BRAF: variants seen among roughly 807,000 people sequenced by gnomAD.
BRAF encodes the protein serine/threonine-protein kinase B-raf.
A neutral mutation model predicts 104.6 loss-of-function variants in BRAF; 16 were observed. The ratio of observed to expected loss-of-function variants is 0.15; its 90% CI spans 0.10 to 0.23. The LOEUF is 0.23. BRAF is among the 10% of genes least tolerant of loss of function. The pLI, the probability that BRAF is intolerant of heterozygous loss-of-function variation, is 1.00. For missense variants in BRAF, 541 were observed against 937.3 expected, an observed-to-expected ratio of 0.58 and a Z score of 5.52; for synonymous variants, 310 against 341.6, an observed-to-expected ratio of 0.91 and a Z score of 1.02.
At chr7:140,818,557 C>T (rs2245716) in intron 3 of BRAF, among the ~76,000 whole-genome samples, 14,820 of 152,132 alleles carry the variant, frequency 0.097, 786 homozygotes, top group South Asian at 0.19. Context: ...AGGTGATCCG[C>T]CCGCCTTGGC....
chr7:140,745,390 G>T (rs530575034), intron 17 of BRAF, among the ~76,000 whole-genome samples: 47 of 152,302 alleles, frequency 3.1e-4, no homozygotes, highest in Admixed American at 2.5e-3. Context: ...ACAGAATTTA[G>T]TTAGTGCAGA....
chr7:140,735,536 T>C (rs940502710), intron 18 of BRAF, among the ~76,000 whole-genome samples: 1 of 152,216 alleles, frequency 6.6e-6, no homozygotes, highest in Non-Finnish European at 1.5e-5. Context: ...ATTATTACTT[T>C]TGTTATTGTC....
At chr7:140,785,137 C>T (rs565700930) in intron 10 of BRAF, among the ~76,000 whole-genome samples, 1 of 152,066 alleles carries the variant, frequency 6.6e-6, no homozygotes, top group Non-Finnish European at 1.5e-5. Flanking sequence ...TAACAGCTCC[C>T]TACCTTTGAC....
intron 2 of BRAF, among the ~76,000 whole-genome samples, chr7:140,841,612 AC>A (rs2129067590): frequency 6.6e-6 from 1 of 152,348 alleles, no homozygotes; most frequent in East Asian, 1.9e-4. Flanking sequence ...TGGAAACATT[AC>A]ATTAAGTAAA....
At chr7:140,817,272 A>G (rs1804979386) in intron 3 of BRAF, among the ~76,000 whole-genome samples, 1 of 152,194 alleles carries the variant, frequency 6.6e-6, no homozygotes, top group Non-Finnish European at 1.5e-5. Context: ...TACAATGAAA[A>G]CTATAAAACA....
In BRAF at chr7:140,723,288, T is replaced by C; in HGVS notation, c.*3206A>G. The C allele has an allele frequency of 9.5e-7, 1 of 1,056,508 alleles. No homozygotes were observed. Among genetic ancestry groups the C allele is most frequent in the Non-Finnish European group, 1.1e-6 (1 of 873,772 alleles). The allele number at this position is 1,056,508 out of a possible 1,614,324, so 65.4% of individuals were successfully genotyped here. A position where few individuals can be genotyped will look rare whatever the true frequency, so the allele number is the denominator to read the frequency against. ...CCGCACCAAACCAGAAGCTAGGAAATATTTACAAAGTTTCAGGTTGACAGT... is the reference window on the plus strand; with the variant it reads ...CCGCACCAAACCAGAAGCTAGGAAACATTTACAAAGTTTCAGGTTGACAGT... On this transcript the variant is annotated 3_prime_UTR_variant, in exon 20 of 20. Coordinates refer to ENST00000644969, the MANE Select transcript of BRAF (RefSeq NM_001374258.1).
intron 14 of BRAF, among the ~76,000 whole-genome samples, chr7:140,763,594 TA>T (rs1195825909): frequency 6.6e-6 from 1 of 151,878 alleles, no homozygotes; most frequent in African/African-American, 2.4e-5. Context: ...ATAGATGCAA[TA>T]AAAAAATGAT....
At chr7:140,816,761 A>G (rs1804922951) in intron 3 of BRAF, among the ~76,000 whole-genome samples, 1 of 152,204 alleles carries the variant, frequency 6.6e-6, no homozygotes. Context: ...CTTCTCACAG[A>G]ACTAAAAACA....
chr7:140,723,725 A>G lies in BRAF; in HGVS notation c.*2769T>C, dbSNP rs967704823. The G allele has an allele frequency of 9.5e-7, 1 of 1,049,808 alleles. No homozygotes were observed. The highest frequency in any genetic ancestry group is 1.7e-5 in the African/African-American group (1 of 60,228). 65.0% of individuals were successfully genotyped at this position (1,049,808 alleles called of 1,614,324 possible). On this transcript the variant is annotated 3_prime_UTR_variant, in exon 20 of 20. Coordinates refer to ENST00000644969, the MANE Select transcript of BRAF (RefSeq NM_001374258.1). ...CCTCTCCCTACCAAAAATAAAACAC[A>G]CTACAGAAGGCACTGCAGCCACTTT...
intron 1 of BRAF, among the ~76,000 whole-genome samples, chr7:140,918,681 T>C (rs1323559897): frequency 6.6e-6 from 1 of 152,192 alleles, no homozygotes; most frequent in African/African-American, 2.4e-5. Flanking sequence ...AAAAAAAGAA[T>C]AGAATGTTAC....
chr7:140,915,049 C>CA (rs567503566), intron 1 of BRAF, among the ~76,000 whole-genome samples: 3,995 of 61,550 alleles, frequency 0.065, 215 homozygotes, highest in Admixed American at 0.13. Context: ...ACTCCGTCTC[C>CA]AAAAAAAAAA....
At chr7:140,793,195 A>G (rs983559250) in intron 8 of BRAF, among the ~76,000 whole-genome samples, 1 of 152,234 alleles carries the variant, frequency 6.6e-6, no homozygotes, top group Non-Finnish European at 1.5e-5. Flanking sequence ...ACAATCAGAG[A>G]AAAAGGGAAT....
chr7:140,831,753 T>C (rs1806779598), intron 3 of BRAF, among the ~76,000 whole-genome samples: 1 of 152,328 alleles, frequency 6.6e-6, no homozygotes, highest in Non-Finnish European at 1.5e-5. Flanking sequence ...AGGTTTGTTT[T>C]GGTTCTCCAC....
intron 7 of BRAF, chr7:140,799,242 T>C (rs1586205333): frequency 1.3e-5 from 3 of 230,750 alleles, no homozygotes; most frequent in Middle Eastern, 1.3e-3. Context: ...TTTATGAATA[T>C]CTATCCCTTT....
intron 13 of BRAF, among the ~76,000 whole-genome samples, chr7:140,777,585 C>T (rs1454096261): frequency 1.3e-5 from 2 of 152,168 alleles, no homozygotes; most frequent in Admixed American, 1.3e-4. Context: ...CCCGTTACAC[C>T]TCTAGAATCT....
chr7:140,880,028 G>A (rs946557826), intron 1 of BRAF, among the ~76,000 whole-genome samples: 7 of 152,032 alleles, frequency 4.6e-5, no homozygotes, highest in Admixed American at 1.3e-4. Flanking sequence ...TACCGTGCCC[G>A]GCCGGCAATT....
chr7:140,745,142 A>G (rs945130797), intron 17 of BRAF, among the ~76,000 whole-genome samples: 4 of 152,108 alleles, frequency 2.6e-5, no homozygotes, highest in African/African-American at 7.2e-5. Context: ...TGGTTTTTAG[A>G]TTTTGATGTA....
chr7:140,909,809 A>G (rs1816761193), intron 1 of BRAF, among the ~76,000 whole-genome samples: 1 of 148,670 alleles, frequency 6.7e-6, no homozygotes, highest in Non-Finnish European at 1.5e-5. Flanking sequence ...CTCCGTCTCA[A>G]AACAACAACA....
intron 19 of BRAF, chr7:140,734,389 G>T: frequency 7.0e-7 from 1 of 1,420,806 alleles, no homozygotes; most frequent in Non-Finnish European, 9.2e-7. Flanking sequence ...CAATGTCTAT[G>T]TATTTTAACC....
Sources: gnomAD v4.1 joint callset for allele counts (sites outside exome capture counted in the v4.1 genomes callset) on GRCh38, gnomAD v4.1.1 for gene constraint, MANE v1.5 for transcripts, NCBI Gene and HGNC (gene_info 2026-07-23, HGNC 2026-07-21) for gene names.